Variants in SKA2 observed in about 807,000 individuals in gnomAD.
The protein encoded by SKA2 is spindle and kinetochore-associated protein 2.
SKA2 carries 13 observed loss-of-function variants against 16.9 expected under a neutral mutation model. The observed-to-expected ratio is 0.77, with a 90% confidence interval of 0.50 to 1.22. The LOEUF is 1.22. Among genes scored for constraint, SKA2 ranks in the 50% most tolerant of loss-of-function variants. The probability of loss-of-function intolerance (pLI) is 0.00; values close to 1 mark genes in which losing one functional copy is unlikely to be tolerated. For missense variants in SKA2, 107 were observed against 139.7 expected (o/e 0.77, Z 1.18); for synonymous variants, 47 against 48.5 (o/e 0.97, Z 0.13).
Position 59,122,541 on chromosome 17 carries a change from G to T in SKA2, c.121-3046C>A, listed in dbSNP as rs144737899. On this transcript the variant is annotated intron_variant, in intron 2 of 3. Transcript: ENST00000330137. The stretch of plus-strand genomic sequence containing the variant: ...TGGGAGGATCACTTGAGCCTGGGAG[G>T]CAGAGGTTGCAGTGAACCAAGATGG... 8.0e-3 allele frequency among the ~76,000 whole-genome samples: 1,221 copies of T among 152,280 alleles called. 19 individuals carry two copies. The highest frequency in any genetic ancestry group is 0.027 in the African/African-American group (1,135 of 41,554).
intron 1 of SKA2, among the ~76,000 whole-genome samples, chr17:59,135,374 T>A (rs987863060): frequency 6.7e-6 from 1 of 149,586 alleles, no homozygotes; most frequent in Non-Finnish European, 1.5e-5. Flanking sequence ...TATAGTATAG[T>A]GGTGCAATCT....
intron 2 of SKA2, among the ~76,000 whole-genome samples, chr17:59,125,131 G>A (rs1483201631): frequency 3.4e-5 from 5 of 148,906 alleles, no homozygotes; most frequent in African/African-American, 9.9e-5. Context: ...GCGCCACTAC[G>A]CCTGGCTAAT....
chr17:59,131,162 A>G lies in SKA2; in HGVS notation c.120+119T>C, dbSNP rs1418536290. 3 of 650,882 alleles carry G rather than the reference A, an allele frequency of 4.6e-6. No homozygotes were observed. In the East Asian group the frequency reaches 8.8e-5, roughly 19 times the overall value. The allele number at this position is 650,882 out of a possible 1,614,324, so 40.3% of individuals were successfully genotyped here. ...TTCCAACACAATGCAAGATTTTAAG[A>G]TTCTATAAACTTAATAATATAATTC... is the stretch of plus-strand genomic sequence containing the variant. On this transcript the variant is annotated intron_variant, in intron 2 of 3. Coordinates refer to ENST00000330137, the MANE Select transcript of SKA2 (RefSeq NM_182620.4).
At chr17:59,118,444 TC>T (rs2046311140) in intron 3 of SKA2, among the ~76,000 whole-genome samples, 1 of 152,210 alleles carries the variant, frequency 6.6e-6, no homozygotes, top group Admixed American at 6.5e-5. Context: ...AATTTATGGT[TC>T]TATACAGATA....
rs1415932634 is a variant in SKA2, at chr17:59,116,817, T to TTTTTTTC, written c.297+2501_297+2502insGAAAAAA. 8.9e-5 allele frequency among the ~76,000 whole-genome samples: 12 copies of TTTTTTTC among 134,546 alleles called. 1 individual carries two copies. The highest frequency in any genetic ancestry group is 6.3e-5 in the Non-Finnish European group (4 of 63,422). The allele number at this position is 134,546 out of a possible 152,430, so 88.3% of individuals were successfully genotyped here. On this transcript the variant is annotated intron_variant, in intron 3 of 3. Coordinates refer to ENST00000330137, the MANE Select transcript of SKA2 (RefSeq NM_182620.4). ...AGCTCTATCTGCCTTTGGCTTTTTT[T>TTTTTTTC]TTTTTTTTTTTTTTTTTTTGAGACA...
intron 2 of SKA2, among the ~76,000 whole-genome samples, chr17:59,131,064 G>T (rs2046408545): frequency 6.6e-6 from 1 of 152,044 alleles, no homozygotes; most frequent in East Asian, 1.9e-4. Flanking sequence ...ATTTTTTAAA[G>T]GTTAGGGGAA....
chr17:59,122,927 A>G (rs1778007476), intron 2 of SKA2, among the ~76,000 whole-genome samples: 1 of 150,050 alleles, frequency 6.7e-6, no homozygotes, highest in African/African-American at 2.5e-5. Flanking sequence ...CCAACCTTTA[A>G]ATTATTTTTT....
chr17:59,155,053 ACTCCAAATTGTGC>A, intron 1 of SKA2, 65 bp downstream of exon 1: 7 of 1,613,724 alleles, frequency 4.3e-6, no homozygotes, highest in Non-Finnish European at 5.9e-6. Context: ...GTTTCCGGCG[ACTCCAAATTGTGC>A]CCCACCTCCG....
At chr17:59,155,067 C>A (rs773361645) in intron 1 of SKA2, 64 bp downstream of exon 1, 1 of 1,613,990 alleles carries the variant, frequency 6.2e-7, no homozygotes, top group Admixed American at 1.7e-5. Context: ...CAAATTGTGC[C>A]CCACCTCCGA....
At chr17:59,112,529 G>A (rs921020240) in intron 3 of SKA2, among the ~76,000 whole-genome samples, 184 bp from the exon 4 acceptor site, 1 of 152,184 alleles carries the variant, frequency 6.6e-6, no homozygotes, top group African/African-American at 2.4e-5. Flanking sequence ...GTCCTATGAT[G>A]TTTGAGCTTC....
In SKA2 at chr17:59,125,854, T is replaced by C. The variant is rs192513772; in HGVS notation, c.120+5427A>G. Among the ~76,000 whole-genome samples, 32 of 152,072 alleles carry C rather than the reference T, an allele frequency of 2.1e-4. 1 individual carries two copies. In the East Asian group the frequency reaches 6.0e-3, roughly 29 times the overall value. Reference sequence around the variant, plus strand: ...ATACTACTAAGCTTAAAAGAATCTATAGGGAAAATGTTCATAAAATAAAAT... The same window carrying C: ...ATACTACTAAGCTTAAAAGAATCTACAGGGAAAATGTTCATAAAATAAAAT... On this transcript the variant is annotated intron_variant, in intron 2 of 3. Transcript: ENST00000330137.
intron 2 of SKA2, among the ~76,000 whole-genome samples, chr17:59,127,266 G>A (rs1013072802): frequency 6.6e-6 from 1 of 152,192 alleles, no homozygotes; most frequent in African/African-American, 2.4e-5. Context: ...TCAGGTATAA[G>A]GACACGTGCC....
intron 2 of SKA2, among the ~76,000 whole-genome samples, 161 bp from the exon 3 acceptor site, chr17:59,119,656 G>A (rs966634745): frequency 2.0e-5 from 3 of 152,150 alleles, no homozygotes; most frequent in African/African-American, 7.2e-5. Flanking sequence ...AGGTGGGGAA[G>A]AGAGAAAAGT....
chr17:59,153,678 G>A (rs2046594232), intron 1 of SKA2, among the ~76,000 whole-genome samples: 1 of 152,166 alleles, frequency 6.6e-6, no homozygotes. Context: ...AAGAAAGCAG[G>A]GCAGGCACAA....
intron 3 of SKA2, among the ~76,000 whole-genome samples, chr17:59,115,326 G>A (rs972240076): frequency 6.6e-6 from 1 of 151,964 alleles, no homozygotes; most frequent in African/African-American, 2.4e-5. Flanking sequence ...CCAAAGTGCT[G>A]GGATTACAGG....
Position 59,155,170 on chromosome 17 carries a change from T to G in SKA2, c.-7A>C. On this transcript the variant is annotated 5_prime_UTR_variant, in exon 1 of 4. Transcript: ENST00000330137. ...TATCGACCTCCGCCTCCATGTTGAATAGTTGACATTCCGCAGACCGCGGCG... is the reference window on the plus strand; with the variant it reads ...TATCGACCTCCGCCTCCATGTTGAAGAGTTGACATTCCGCAGACCGCGGCG... The G allele has an allele frequency of 6.2e-7, 1 of 1,613,964 alleles. No homozygotes were observed. Among genetic ancestry groups the G allele is most frequent in the Non-Finnish European group, 8.5e-7 (1 of 1,179,876 alleles).
At chr17:59,127,229 T>C (rs1311226655) in intron 2 of SKA2, among the ~76,000 whole-genome samples, 1 of 152,182 alleles carries the variant, frequency 6.6e-6, no homozygotes, top group East Asian at 1.9e-4. Context: ...CAGTGAACTG[T>C]TCACTTAAAA....
At chr17:59,152,442 A>G (rs1478886776) in intron 1 of SKA2, among the ~76,000 whole-genome samples, 1 of 152,190 alleles carries the variant, frequency 6.6e-6, no homozygotes, top group Admixed American at 6.5e-5. Flanking sequence ...TAACGCTGGT[A>G]GCCAAGTTTC....
At chr17:59,149,064 C>A (rs1204742807) in intron 1 of SKA2, among the ~76,000 whole-genome samples, 2 of 152,118 alleles carry the variant, frequency 1.3e-5, no homozygotes, top group Non-Finnish European at 2.9e-5. Flanking sequence ...TTATCAATAG[C>A]TTTGGGAATG....
Sources: allele counts gnomAD v4.1 joint callset (sites outside exome capture counted in the v4.1 genomes callset), GRCh38; gene constraint gnomAD v4.1.1; transcripts MANE v1.5; gene names NCBI Gene and HGNC (gene_info 2026-07-23, HGNC 2026-07-21).